Variants in ROBO2 observed in about 807,000 individuals in gnomAD.
ROBO2 encodes roundabout homolog 2.
In ROBO2, 53 loss-of-function variants were observed where a neutral mutation model predicts 160.8. The ratio of observed to expected loss-of-function variants is 0.33; its 90% CI spans 0.26 to 0.41. ROBO2 has a LOEUF of 0.41. Among genes scored for constraint, ROBO2 ranks in the 10% least tolerant of loss-of-function variants. ROBO2 has a pLI of 1.00. For synonymous variants in ROBO2, 664 were observed against 611.7 expected, an observed-to-expected ratio of 1.09 and a Z score of -1.26; for missense variants, 1,577 against 1,722.4, an observed-to-expected ratio of 0.92 and a Z score of 1.49.
intron 2 of ROBO2, among the ~76,000 whole-genome samples, chr3:76,290,309 A>G (rs1397000731): frequency 1.3e-5 from 2 of 151,814 alleles, no homozygotes. Flanking sequence ...ATATGAATGG[A>G]ATTTGGTTGT....
chr3:77,483,140 G>C (rs928497525), intron 4 of ROBO2, among the ~76,000 whole-genome samples: 2 of 152,130 alleles, frequency 1.3e-5, no homozygotes, highest in African/African-American at 4.8e-5. Context: ...TTAGGAAACG[G>C]AGAATGTTTA....
chr3:76,033,512 C>G (rs1240163608), intron 2 of ROBO2, among the ~76,000 whole-genome samples: 1 of 152,166 alleles, frequency 6.6e-6, no homozygotes, highest in Non-Finnish European at 1.5e-5. Context: ...CAGATATTTT[C>G]TACATGGCAT....
At chr3:77,484,542 C>T (rs1227638933) in intron 4 of ROBO2, among the ~76,000 whole-genome samples, 3 of 138,894 alleles carry the variant, frequency 2.2e-5, no homozygotes, top group East Asian at 4.5e-4. Context: ...CACACACACA[C>T]ATATATTTCT....
At chr3:76,041,096 T>A (rs1240713526) in intron 2 of ROBO2, among the ~76,000 whole-genome samples, 1 of 152,106 alleles carries the variant, frequency 6.6e-6, no homozygotes, top group East Asian at 1.9e-4. Flanking sequence ...CAATCTTTAC[T>A]AGGATTTCAA....
chr3:76,707,350 C>T (rs1319679935), intron 2 of ROBO2, among the ~76,000 whole-genome samples: 2 of 152,082 alleles, frequency 1.3e-5, no homozygotes, highest in Non-Finnish European at 2.9e-5. Flanking sequence ...TAAGTCCACT[C>T]TCTTCAGCTT....
chr3:77,134,395 G>A (rs1222390341), intron 2 of ROBO2, among the ~76,000 whole-genome samples: 1 of 152,116 alleles, frequency 6.6e-6, no homozygotes, highest in African/African-American at 2.4e-5. Flanking sequence ...ACACATTTGC[G>A]ACTTTTAACC....
rs1021268055 is a variant in ROBO2, at chr3:76,642,209, G to T, written c.110-455805G>T. 2.0e-5 allele frequency among the ~76,000 whole-genome samples: 3 copies of T among 152,144 alleles called. No individual in the cohort carries two copies. In the East Asian group the frequency reaches 5.8e-4, roughly 29 times the overall value. The stretch of plus-strand genomic sequence containing the variant: ...GAGGAGAAAACTGAAGAATAGAGAG[G>T]TTAATAAACTTGCCCAAGAGCACCA... On this transcript the variant is annotated intron_variant, in intron 2 of 26. Coordinates refer to the ROBO2 transcript ENST00000487694.
chr3:76,166,609 A>G (rs967851152), intron 2 of ROBO2, among the ~76,000 whole-genome samples: 7 of 152,154 alleles, frequency 4.6e-5, no homozygotes, highest in African/African-American at 7.2e-5. Flanking sequence ...TTGAGATTCA[A>G]TGATAGCCCC....
At chr3:76,369,326 T>G (rs1037277485) in intron 2 of ROBO2, among the ~76,000 whole-genome samples, 7 of 151,954 alleles carry the variant, frequency 4.6e-5, no homozygotes, top group African/African-American at 1.7e-4. Flanking sequence ...GTTTCCACGC[T>G]CTCTTCTCTG....
intron 2 of ROBO2, among the ~76,000 whole-genome samples, chr3:76,566,251 C>T (rs2084512586): frequency 6.6e-6 from 1 of 152,158 alleles, no homozygotes; most frequent in Non-Finnish European, 1.5e-5. Context: ...CAAGGAGTAC[C>T]TGTTATTTGC....
chr3:76,366,142 C>G (rs1409193663), intron 2 of ROBO2, among the ~76,000 whole-genome samples: 2 of 152,006 alleles, frequency 1.3e-5, no homozygotes, highest in African/African-American at 4.8e-5. Flanking sequence ...TAGAGAATGT[C>G]TGTCTACATG....
intron 2 of ROBO2, among the ~76,000 whole-genome samples, chr3:76,550,402 TAG>T (rs2083344795): frequency 6.6e-6 from 1 of 152,198 alleles, no homozygotes; most frequent in Non-Finnish European, 1.5e-5. Context: ...AAATATTTGA[TAG>T]AAAATATATT....
At chr3:76,725,738 G>A (rs2093541486) in intron 2 of ROBO2, among the ~76,000 whole-genome samples, 1 of 152,042 alleles carries the variant, frequency 6.6e-6, no homozygotes, top group Non-Finnish European at 1.5e-5. Flanking sequence ...TGTTAGGTGG[G>A]GGAATGCAGG....
chr3:76,589,056 A>G (rs1039032767), intron 2 of ROBO2, among the ~76,000 whole-genome samples: 1 of 152,206 alleles, frequency 6.6e-6, no homozygotes. Flanking sequence ...CCCTGTAAAC[A>G]CTAATAATGT....
At chr3:77,112,193 C>CAAA (rs373201643) in intron 2 of ROBO2, among the ~76,000 whole-genome samples, 1 of 68,706 alleles carries the variant, frequency 1.5e-5, no homozygotes, top group Non-Finnish European at 2.5e-5. Flanking sequence ...AGACTCGTCT[C>CAAA]AAAAAAAAAA....
chr3:76,090,234 G>A (rs926294573), intron 2 of ROBO2, among the ~76,000 whole-genome samples: 1 of 152,108 alleles, frequency 6.6e-6, no homozygotes, highest in African/African-American at 2.4e-5. Context: ...ATTGAGGCGG[G>A]CAGATCACCT....
At chr3:76,987,180 AG>A (rs1224447233) in intron 2 of ROBO2, among the ~76,000 whole-genome samples, 1 of 152,190 alleles carries the variant, frequency 6.6e-6, no homozygotes, top group Admixed American at 6.5e-5. Context: ...CTAATAAATG[AG>A]GCAAATTGAG....
chr3:76,018,298 CATT>C (rs2066463333), intron 2 of ROBO2, among the ~76,000 whole-genome samples: 1 of 151,720 alleles, frequency 6.6e-6, no homozygotes, highest in Non-Finnish European at 1.5e-5. Context: ...ATATAACAAT[CATT>C]GTTGATATGT....
chr3:76,423,474 G>A (rs72900505), intron 2 of ROBO2, among the ~76,000 whole-genome samples: 3,872 of 152,240 alleles, frequency 0.025, 163 homozygotes, highest in African/African-American at 0.088. Context: ...GAATAGCTGA[G>A]TAGATGGATA....
Sources: allele counts gnomAD v4.1 joint callset (sites outside exome capture counted in the v4.1 genomes callset), GRCh38; gene constraint gnomAD v4.1.1; transcripts MANE v1.5; gene names NCBI Gene and HGNC (gene_info 2026-07-23, HGNC 2026-07-21).